The following NFIA variants were observed in gnomAD, a reference collection of about 807,000 sequenced individuals.
NFIA encodes nuclear factor 1 A-type.
NFIA carries 8 observed loss-of-function variants against 62.8 expected under a neutral mutation model. That is an observed-to-expected ratio of 0.13 (90% CI 0.07 to 0.23). NFIA has a LOEUF of 0.23. NFIA is among the 10% of genes least tolerant of loss of function. The pLI is 1.00. For missense variants in NFIA, 410 were observed against 642.1 expected, an observed-to-expected ratio of 0.64 and a Z score of 3.91; for synonymous variants, 235 against 238.1, an observed-to-expected ratio of 0.99 and a Z score of 0.12.
chr1:61,172,333 T>G (rs1650025730), intron 2 of NFIA, among the ~76,000 whole-genome samples: 1 of 152,144 alleles, frequency 6.6e-6, no homozygotes. Flanking sequence ...TATGTGCTGG[T>G]GACGAATGAC....
chr1:61,238,827 A>G (rs560705096), intron 2 of NFIA, among the ~76,000 whole-genome samples: 13 of 152,212 alleles, frequency 8.5e-5, no homozygotes, highest in East Asian at 7.7e-4. Context: ...AGACATTATA[A>G]TGTGTCAGGG....
intron 3 of NFIA, among the ~76,000 whole-genome samples, chr1:61,288,694 G>A (rs556218578): frequency 6.6e-6 from 1 of 152,314 alleles, no homozygotes; most frequent in South Asian, 2.1e-4. Flanking sequence ...GGGGGACAGA[G>A]CAAGAGTAGA....
chr1:61,385,441 T>C (rs541505509), intron 7 of NFIA, among the ~76,000 whole-genome samples: 1 of 152,292 alleles, frequency 6.6e-6, no homozygotes, highest in Admixed American at 6.5e-5. Flanking sequence ...TTTTTTAATG[T>C]CCTCATCAAT....
chr1:61,084,394 G>A (rs1444801266), intron 1 of NFIA, among the ~76,000 whole-genome samples: 1 of 151,828 alleles, frequency 6.6e-6, no homozygotes, highest in Non-Finnish European at 1.5e-5. Flanking sequence ...ATTAATAATG[G>A]ATAGCAGTTA....
intron 6 of NFIA, among the ~76,000 whole-genome samples, chr1:61,382,897 G>T (rs979401989): frequency 2.6e-5 from 4 of 152,084 alleles, no homozygotes; most frequent in African/African-American, 9.7e-5. Context: ...AGCATACATG[G>T]TTTCCTTTTT....
intron 4 of NFIA, among the ~76,000 whole-genome samples, chr1:61,344,345 GTGCTGGGTCCATAGAA>G (rs1458425936): frequency 1.3e-5 from 2 of 152,190 alleles, no homozygotes; most frequent in African/African-American, 4.8e-5. Flanking sequence ...ACACTAAATT[GTGCTGGGTCCATAGAA>G]CTCTGTGCTG....
At chr1:61,310,816 C>T (rs577761636) in intron 3 of NFIA, among the ~76,000 whole-genome samples, 2 of 144,178 alleles carry the variant, frequency 1.4e-5, no homozygotes, top group African/African-American at 2.7e-5. Flanking sequence ...CCTGTATATC[C>T]TCTCTGAGAG....
chr1:61,137,945 T>TCC (rs1041360089), intron 2 of NFIA, among the ~76,000 whole-genome samples: 10 of 151,036 alleles, frequency 6.6e-5, no homozygotes, highest in African/African-American at 2.0e-4. Context: ...TCTCTCTCTC[T>TCC]CCCACCTCTT....
At chr1:61,436,598 A>G (rs1429012752) in intron 10 of NFIA, among the ~76,000 whole-genome samples, 2 of 152,150 alleles carry the variant, frequency 1.3e-5, no homozygotes, top group Non-Finnish European at 2.9e-5. Flanking sequence ...CTAATGTGAG[A>G]TCCATCGAAG....
chr1:61,368,682 T>C (rs1329801209), intron 6 of NFIA, among the ~76,000 whole-genome samples: 1 of 152,218 alleles, frequency 6.6e-6, no homozygotes. Context: ...ACTATACATA[T>C]TTTTAATATA....
chr1:61,386,503 A>G (rs966142453), intron 7 of NFIA, among the ~76,000 whole-genome samples: 1 of 152,186 alleles, frequency 6.6e-6, no homozygotes, highest in African/African-American at 2.4e-5. Flanking sequence ...CTTCCCTAGC[A>G]TTTATCACGG....
chr1:61,171,323 A>G (rs1029240687), intron 2 of NFIA, among the ~76,000 whole-genome samples: 2 of 152,234 alleles, frequency 1.3e-5, no homozygotes, highest in Admixed American at 6.5e-5. Flanking sequence ...GAAATGTGAT[A>G]TATTTTAGAA....
intron 7 of NFIA, among the ~76,000 whole-genome samples, chr1:61,403,736 T>A (rs1316446345): frequency 1.3e-5 from 2 of 152,212 alleles, no homozygotes; most frequent in Non-Finnish European, 2.9e-5. Context: ...CAAACTAGAA[T>A]TTGTCATATG....
At position 61,461,432 on chromosome 1, in the gene NFIA, A is replaced by C. The variant is rs1182949968; in HGVS notation, c.*6112A>C. ...TATTAACACGGGATTTTTTTAATAT[A>C]CTTTTTTTGGTCTAAATTTGAAATT... is the stretch of plus-strand genomic sequence containing the variant. On this transcript the variant is annotated 3_prime_UTR_variant, in exon 11 of 11. Coordinates refer to ENST00000403491, the MANE Select transcript of NFIA (RefSeq NM_001134673.4). 1 of 152,158 alleles carries C rather than the reference A, an allele frequency of 6.6e-6. No individual in the cohort carries two copies. Among genetic ancestry groups the C allele is most frequent in the Non-Finnish European group, 1.5e-5 (1 of 68,024 alleles). 9.4% of individuals were successfully genotyped at this position (152,158 alleles called of 1,614,324 possible).
At chr1:61,262,002 G>T (rs996446110) in intron 2 of NFIA, among the ~76,000 whole-genome samples, 1 of 152,032 alleles carries the variant, frequency 6.6e-6, no homozygotes, top group African/African-American at 2.4e-5. Context: ...AAATGTACTT[G>T]CATCATGTGG....
intron 3 of NFIA, among the ~76,000 whole-genome samples, chr1:61,286,884 T>G (rs1168576417): frequency 6.6e-6 from 1 of 152,316 alleles, no homozygotes; most frequent in South Asian, 2.1e-4. Flanking sequence ...TATGCAGATA[T>G]TAGGGACTTT....
At chr1:61,208,051 C>T (rs1300423458) in intron 2 of NFIA, among the ~76,000 whole-genome samples, 3 of 147,794 alleles carry the variant, frequency 2.0e-5, no homozygotes, top group Non-Finnish European at 4.4e-5. Flanking sequence ...ATGCGTGAAG[C>T]ACTTTTTAAA....
intron 4 of NFIA, among the ~76,000 whole-genome samples, chr1:61,349,012 G>A (rs1662401164): frequency 6.6e-6 from 1 of 152,192 alleles, no homozygotes; most frequent in African/African-American, 2.4e-5. Flanking sequence ...AAAGCATTAA[G>A]TACCTACTGT....
chr1:61,318,916 G>A (rs953649360), intron 3 of NFIA, among the ~76,000 whole-genome samples: 4 of 152,146 alleles, frequency 2.6e-5, no homozygotes, highest in Non-Finnish European at 5.9e-5. Context: ...AAAAGAGTTA[G>A]CAAAATCCAG....
Sources: allele counts gnomAD v4.1 joint callset (sites outside exome capture counted in the v4.1 genomes callset), GRCh38; gene constraint gnomAD v4.1.1; transcripts MANE v1.5; gene names NCBI Gene and HGNC (gene_info 2026-07-23, HGNC 2026-07-21).